The following LARGE1 variants were observed in gnomAD, a reference collection of about 807,000 sequenced individuals.
LARGE1 encodes the protein LARGE xylosyl- and glucuronyltransferase 1, also known as xylosyl- and glucuronyltransferase LARGE1.
Under a neutral mutation model 87.6 loss-of-function variants are expected in LARGE1, and 43 were observed. That is an observed-to-expected ratio of 0.49 (90% confidence interval 0.38 to 0.63). The LOEUF is 0.63. Ranked by LOEUF, LARGE1 falls within the 30% of genes least tolerant of loss-of-function variation. The probability of loss-of-function intolerance (pLI) is 0.00; values close to 1 mark genes in which losing one functional copy is unlikely to be tolerated. For synonymous variants in LARGE1, 434 were observed against 394.6 expected, an observed-to-expected ratio of 1.10 and a Z score of -1.18; for missense variants, 802 against 1,000.2, an observed-to-expected ratio of 0.80 and a Z score of 2.67.
chr22:33,693,130 G>A (rs2082142735), intron 2 of LARGE1, among the ~76,000 whole-genome samples: 1 of 152,178 alleles, frequency 6.6e-6, no homozygotes, highest in Non-Finnish European at 1.5e-5. Context: ...ACTATCCTAA[G>A]CAAATTGACA....
Position 33,277,231 on chromosome 22 carries a change from G to A in LARGE1, c.1902C>T (p.His634=), listed in dbSNP as rs754149838. Residue 634 remains histidine (H), a synonymous_variant, in exon 14 of 15, where the codon CAC becomes CAT. Transcript: ENST00000397394. ...GCCACTTGGCGAAGTTTGTGGGTGC[G>A]TGGCCTTTCGTCCAGACGTGGTACC... ...TFRYHVWTKG[H]APTNFAKWRT... 2.8e-5 allele frequency: 46 copies of A among 1,614,232 alleles called. No homozygotes were observed. The highest frequency in any genetic ancestry group is 3.3e-4 in the Middle Eastern group (2 of 6,062).
chr22:33,499,026 A>G lies in LARGE1; in HGVS notation c.787+65822T>C, dbSNP rs113077274. Among the ~76,000 whole-genome samples, 1,488 of 152,298 alleles carry G rather than the reference A, an allele frequency of 9.8e-3. 13 individuals are homozygous for G. The highest frequency in any genetic ancestry group is 0.041 in the Middle Eastern group (12 of 294). Reference sequence around the variant, plus strand: ...ATTTAAAAAAAAATTGAAATAAAACAGTATAAAACAGAGACTCTTGTGGCT... The same window carrying G: ...ATTTAAAAAAAAATTGAAATAAAACGGTATAAAACAGAGACTCTTGTGGCT... On this transcript the variant is annotated intron_variant, in intron 6 of 14. Coordinates refer to ENST00000397394, the MANE Select transcript of LARGE1 (RefSeq NM_133642.5).
chr22:33,175,226 G>T (rs193199127), intron 11 of LARGE1, among the ~76,000 whole-genome samples: 3 of 152,106 alleles, frequency 2.0e-5, no homozygotes, highest in Non-Finnish European at 4.4e-5. Context: ...TTGAAAACTG[G>T]CACAAGACAA....
At chr22:33,126,130 C>G in the LARGE1 span, among the ~76,000 whole-genome samples, 1 of 152,164 alleles carries the variant, frequency 6.6e-6, no homozygotes, top group Non-Finnish European at 1.5e-5. Context: ...ATATGAAGAG[C>G]TGTTATATAA....
intron 12 of LARGE1, among the ~76,000 whole-genome samples, chr22:33,298,615 G>A (rs747507594): frequency 6.6e-6 from 1 of 152,212 alleles, no homozygotes; most frequent in Non-Finnish European, 1.5e-5. Flanking sequence ...TTGAGCCCAG[G>A]AGTTTGAGAC....
intron 9 of LARGE1, among the ~76,000 whole-genome samples, chr22:33,379,196 G>A (rs1455846048): frequency 1.4e-5 from 2 of 147,874 alleles, no homozygotes; most frequent in African/African-American, 5.0e-5. Context: ...TTTGAGTGTC[G>A]TAAAGTCTTT....
intron 7 of LARGE1, among the ~76,000 whole-genome samples, chr22:33,396,979 T>C (rs527487199): frequency 3.3e-5 from 5 of 152,314 alleles, no homozygotes; most frequent in Non-Finnish European, 5.9e-5. Context: ...GAAAAGTGCA[T>C]AGATCATAAC....
intron 5 of LARGE1, among the ~76,000 whole-genome samples, chr22:33,580,752 C>T (rs545730888): frequency 6.6e-6 from 1 of 152,306 alleles, no homozygotes; most frequent in South Asian, 2.1e-4. Flanking sequence ...TTCAGCAGTG[C>T]TATTATGCCT....
Position 33,598,080 on chromosome 22 carries a change from C to T in LARGE1, c.615+6355G>A, listed in dbSNP as rs138091750. 1.1e-3 allele frequency among the ~76,000 whole-genome samples: 160 copies of T among 152,224 alleles called. 2 individuals are homozygous for T. The East Asian group carries it at 0.024, about 23-fold the overall frequency. ...GAACACCCAGAGAAGGAACCTGCCCCCATCAAAAGCTCAGAGAGTCCTTGT... is the reference window on the plus strand; with the variant it reads ...GAACACCCAGAGAAGGAACCTGCCCTCATCAAAAGCTCAGAGAGTCCTTGT... On this transcript the variant is annotated intron_variant, in intron 5 of 14. Coordinates refer to ENST00000397394, the MANE Select transcript of LARGE1 (RefSeq NM_133642.5).
intron 9 of LARGE1, among the ~76,000 whole-genome samples, chr22:33,369,104 T>C (rs2064708009): frequency 1.3e-5 from 2 of 152,262 alleles, no homozygotes. Context: ...TTGATAATTC[T>C]TACCTACAAT....
At chr22:33,372,256 GAT>G (rs1483811114) in intron 9 of LARGE1, among the ~76,000 whole-genome samples, 1 of 152,016 alleles carries the variant, frequency 6.6e-6, no homozygotes, top group African/African-American at 2.4e-5. Context: ...ACAAAATGCT[GAT>G]ATGTGACAGA....
Position 33,679,856 on chromosome 22 carries a change from A to C in LARGE1, c.107-29188T>G, listed in dbSNP as rs55795934. 5.1e-3 allele frequency among the ~76,000 whole-genome samples: 773 copies of C among 152,218 alleles called. 6 individuals are homozygous for C. The highest frequency in any genetic ancestry group is 0.018 in the African/African-American group (736 of 41,540). ...AAACTCTGTCTCAAAAAACAAACAA[A>C]CAAACAAAAGAAAAAAAGAAGTTAG... On this transcript the variant is annotated intron_variant, in intron 2 of 14. Coordinates refer to ENST00000397394, the MANE Select transcript of LARGE1 (RefSeq NM_133642.5).
intron 6 of LARGE1, among the ~76,000 whole-genome samples, chr22:33,500,966 G>A (rs2070396918): frequency 6.6e-6 from 1 of 152,162 alleles, no homozygotes; most frequent in Admixed American, 6.5e-5. Flanking sequence ...CTATCATTAT[G>A]AGACCAGTGA....
intron 6 of LARGE1, among the ~76,000 whole-genome samples, chr22:33,542,296 T>C (rs538639629): frequency 6.6e-6 from 1 of 152,230 alleles, no homozygotes; most frequent in East Asian, 1.9e-4. Flanking sequence ...CTCCCTGGGC[T>C]GAGCCAGCAG....
intron 1 of LARGE1, among the ~76,000 whole-genome samples, chr22:33,803,432 T>A (rs1474257506): frequency 1.3e-5 from 2 of 152,178 alleles, no homozygotes; most frequent in African/African-American, 4.8e-5. Flanking sequence ...TAAATGCTAA[T>A]GGAATTCATA....
chr22:33,271,765 C>T (rs1021638306), downstream of LARGE1, among the ~76,000 whole-genome samples: 1 of 152,218 alleles, frequency 6.6e-6, no homozygotes, highest in Non-Finnish European at 1.5e-5. Flanking sequence ...GCTGGCTCTG[C>T]GGACCTCAGC....
chr22:33,133,736 A>G, the LARGE1 span, among the ~76,000 whole-genome samples: 1 of 152,130 alleles, frequency 6.6e-6, no homozygotes, highest in Non-Finnish European at 1.5e-5. Context: ...CTAGTTCTAG[A>G]TCCTTGAGGA....
intron 5 of LARGE1, among the ~76,000 whole-genome samples, chr22:33,586,206 T>C (rs886858162): frequency 6.6e-6 from 1 of 152,172 alleles, no homozygotes; most frequent in Non-Finnish European, 1.5e-5. Context: ...TGTTACTCTT[T>C]ACGTGTTCCC....
chr22:33,092,382 G>T, the LARGE1 span, among the ~76,000 whole-genome samples: 2 of 152,152 alleles, frequency 1.3e-5, no homozygotes, highest in Non-Finnish European at 2.9e-5. Context: ...AGCGGTTCAA[G>T]TGATCTGCCT....
Sources: gnomAD v4.1 joint callset for allele counts (sites outside exome capture counted in the v4.1 genomes callset) on GRCh38, gnomAD v4.1.1 for gene constraint, MANE v1.5 for transcripts, NCBI Gene and HGNC (gene_info 2026-07-23, HGNC 2026-07-21) for gene names.